GFRA2: variants seen among roughly 807,000 people sequenced by gnomAD.
GFRA2 encodes GDNF family receptor alpha 2, also known as GDNF family receptor alpha-2.
In GFRA2, 17 loss-of-function variants were observed where a neutral mutation model predicts 48.3. That is an observed-to-expected ratio of 0.35 (90% CI 0.24 to 0.53). GFRA2 has a LOEUF of 0.53. Among genes scored for constraint, GFRA2 ranks in the 20% least tolerant of loss-of-function variants. The pLI, the probability that GFRA2 is intolerant of heterozygous loss-of-function variation, is 0.93. For synonymous variants in GFRA2, 305 were observed against 257.2 expected (o/e 1.19, Z -1.78); for missense variants, 660 against 637.3 (o/e 1.04, Z -0.38).
chr8:21,705,213 C>T, intron 5 of GFRA2, 88 bp from the exon 6 acceptor site: 1 of 1,378,588 alleles, frequency 7.3e-7, no homozygotes, highest in Non-Finnish European at 9.8e-7. Context: ...CACAGCAGGG[C>T]AGAGGCGTGG....
chr8:21,707,067 C>T (rs1235316537), intron 4 of GFRA2, among the ~76,000 whole-genome samples: 5 of 152,206 alleles, frequency 3.3e-5, no homozygotes, highest in African/African-American at 1.2e-4. Flanking sequence ...TGTATCATAT[C>T]AACTATGTCT....
chr8:21,694,551 A>C (rs746647470), intron 7 of GFRA2, 34 bp from the exon 8 acceptor site: 10 of 1,595,628 alleles, frequency 6.3e-6, no homozygotes, highest in Non-Finnish European at 8.5e-6. Flanking sequence ...AGGACGAGTC[A>C]CCAGGCTGTT....
chr8:21,722,770 A>C (rs138449989), intron 4 of GFRA2, among the ~76,000 whole-genome samples: 1 of 151,734 alleles, frequency 6.6e-6, no homozygotes, highest in Non-Finnish European at 1.5e-5. Flanking sequence ...CTACCCTCCA[A>C]CTCCACAACA....
Position 21,788,372 on chromosome 8 carries a change from C to G in GFRA2, c.-213G>C, listed in dbSNP as rs1052348918. The G allele has an allele frequency of 3.0e-6, 4 of 1,344,480 alleles. No individual in the cohort carries two copies. The South Asian group carries it at 5.8e-5, about 20-fold the overall frequency. The allele number at this position is 1,344,480 out of a possible 1,614,324, so 83.3% of individuals were successfully genotyped here. A position where few individuals can be genotyped will look rare whatever the true frequency, so the allele number is the denominator to read the frequency against. On this transcript the variant is annotated 5_prime_UTR_variant, in exon 1 of 9. Coordinates refer to ENST00000524240, the MANE Select transcript of GFRA2 (RefSeq NM_001495.5). ...TGAGAGGCGGGCGATGGGCTGCTGC[C>G]TCTCGACGCCCCCCTTGCCCGCTAC... is the stretch of plus-strand genomic sequence containing the variant.
chr8:21,787,275 T>TGGGGGGGGGGGGGGGGGGGGGGGGGG (rs780776992), intron 1 of GFRA2, among the ~76,000 whole-genome samples: 1 of 75,698 alleles, frequency 1.3e-5, no homozygotes, highest in Non-Finnish European at 2.8e-5. Flanking sequence ...GGGGGGGCAG[T>TGGGGGGGGGGGGGGGGGGGGGGGGGG]GGGGGGGGTT....
rs926736913 is a variant in GFRA2 at position 21,690,604 on chromosome 8, G to T, written c.*2674C>A. ...ATAATGGCACCTCAGTTTCCTCTTG[G>T]GAAATTTTCTCTCCCCCATGATGTA... On this transcript the variant is annotated 3_prime_UTR_variant, in exon 9 of 9. Coordinates refer to ENST00000524240, the MANE Select transcript of GFRA2 (RefSeq NM_001495.5). 1.3e-5 allele frequency: 2 copies of T among 152,148 alleles called. No homozygotes were observed. The highest frequency in any genetic ancestry group is 4.8e-5 in the African/African-American group (2 of 41,426). 9.4% of individuals were successfully genotyped at this position (152,148 alleles called of 1,614,324 possible). A position where few individuals can be genotyped will look rare whatever the true frequency, so the allele number is the denominator to read the frequency against.
rs1010629596 is a variant in GFRA2 at position 21,795,337 on chromosome 8, A to C, written c.-35-7143T>G. Among the ~76,000 whole-genome samples the C allele has an allele frequency of 2.0e-5, 3 of 151,630 alleles. No homozygotes were observed. The East Asian group carries it at 5.8e-4, about 29-fold the overall frequency. ...AATTAATTTCCCTTCTCAGACAACA[A>C]ACTGAAACACATTGTCTTTTTTTTT... On this transcript the variant is annotated intron_variant, in intron 2 of 10. Transcript: ENST00000517328.
chr8:21,779,302 T>C (rs1376687923), intron 2 of GFRA2, among the ~76,000 whole-genome samples: 1 of 152,208 alleles, frequency 6.6e-6, no homozygotes, highest in African/African-American at 2.4e-5. Flanking sequence ...GCACACAGCA[T>C]CGTGCTCATT....
intron 6 of GFRA2, among the ~76,000 whole-genome samples, chr8:21,703,930 T>A (rs1227727426): frequency 1.3e-5 from 2 of 152,252 alleles, no homozygotes; most frequent in Non-Finnish European, 2.9e-5. Context: ...CTTTCTGGAA[T>A]GCTGATCTGA....
chr8:21,756,790 C>G (rs755536047), intron 3 of GFRA2, among the ~76,000 whole-genome samples: 2 of 152,294 alleles, frequency 1.3e-5, no homozygotes, highest in African/African-American at 2.4e-5. Flanking sequence ...CTCCCTGCCC[C>G]GATCCCCTGC....
rs1802669327 is a variant in GFRA2, at chr8:21,705,019, C to T, written c.1011G>A (p.Lys337=). Residue 337 remains lysine (K), a synonymous_variant, in exon 6 of 9, where the codon AAG becomes AAA. Coordinates refer to ENST00000524240, the MANE Select transcript of GFRA2 (RefSeq NM_001495.5). ...GSGNMEEECE[K]FLRDFTENPC... ...GGTTCTCGGTGAAGTCCCTGAGGAA[C>T]TTCTCACACTCCTCCTCCATGTTCC... The T allele has an allele frequency of 1.2e-6, 2 of 1,610,914 alleles. No homozygotes were observed. Among genetic ancestry groups the T allele is most frequent in the South Asian group, 1.1e-5 (1 of 89,956 alleles).
intron 2 of GFRA2, among the ~76,000 whole-genome samples, chr8:21,799,091 C>T (rs1807726175): frequency 6.6e-6 from 1 of 152,204 alleles, no homozygotes; most frequent in Non-Finnish European, 1.5e-5. Flanking sequence ...GGCCCAGGAT[C>T]ACTAGCCTAG....
chr8:21,762,347 G>T (rs1805955935), intron 3 of GFRA2, among the ~76,000 whole-genome samples: 1 of 152,172 alleles, frequency 6.6e-6, no homozygotes, highest in South Asian at 2.1e-4. Flanking sequence ...AAAGCCCAAG[G>T]ATCCAATGGG....
chr8:21,789,755 C>G (rs1264590499), upstream of GFRA2, among the ~76,000 whole-genome samples: 1 of 145,938 alleles, frequency 6.9e-6, no homozygotes, highest in Admixed American at 6.8e-5. Flanking sequence ...TCCACCCCTT[C>G]GAGATGCCCC....
At chr8:21,791,452 A>G (rs1347833025), upstream of GFRA2, among the ~76,000 whole-genome samples, 2 of 152,082 alleles carry the variant, frequency 1.3e-5, no homozygotes, top group African/African-American at 4.8e-5. Flanking sequence ...GTATCCCATG[A>G]CACCCCACCC....
At chr8:21,715,894 C>T (rs573305358) in intron 4 of GFRA2, among the ~76,000 whole-genome samples, 10 of 151,768 alleles carry the variant, frequency 6.6e-5, no homozygotes, top group East Asian at 1.9e-4. Flanking sequence ...AGAGAGAGAA[C>T]GAGAGAGAGA....
At position 21,753,804 on chromosome 8, in the gene GFRA2, A is replaced by G. The variant is rs142259672; in HGVS notation, c.440-2862T>C. Among the ~76,000 whole-genome samples the G allele has an allele frequency of 7.8e-4, 119 of 152,298 alleles. 1 individual carries two copies. The highest frequency in any genetic ancestry group is 2.8e-3 in the African/African-American group (118 of 41,558). ...ATGTAGAATTATATATGTGATGCAT[A>G]TTATATTTCCATCAGCCAGCAAGGC... On this transcript the variant is annotated intron_variant, in intron 3 of 8. Coordinates refer to ENST00000524240, the MANE Select transcript of GFRA2 (RefSeq NM_001495.5).
rs1807416431 is a variant in GFRA2, at chr8:21,788,798, G to A, written c.-639C>T. 2.0e-6 allele frequency: 2 copies of A among 985,368 alleles called. No individual in the cohort carries two copies. The highest frequency in any genetic ancestry group is 4.7e-5 in the South Asian group (1 of 21,290). 61.0% of individuals were successfully genotyped at this position (985,368 alleles called of 1,614,324 possible). A position where few individuals can be genotyped will look rare whatever the true frequency, so the allele number is the denominator to read the frequency against. On this transcript the variant is annotated 5_prime_UTR_variant, in exon 1 of 9. It adds an upstream start codon to the 5' untranslated region. Coordinates refer to ENST00000524240, the MANE Select transcript of GFRA2 (RefSeq NM_001495.5). ...AATTCCAGTGACCGTGTGTCTCTGC[G>A]TGCGTGTGTCTTTCTCTCTCCTCTC...
At chr8:21,702,769 T>C (rs1246732009) in intron 7 of GFRA2, 36 bp downstream of exon 7, 6 of 1,538,928 alleles carry the variant, frequency 3.9e-6, no homozygotes, top group East Asian at 2.5e-5. Flanking sequence ...TCCGGTGCCA[T>C]GGTGCTCCCC....
Sources: gnomAD v4.1 joint callset for allele counts (sites outside exome capture counted in the v4.1 genomes callset) on GRCh38, gnomAD v4.1.1 for gene constraint, MANE v1.5 for transcripts, NCBI Gene and HGNC (gene_info 2026-07-23, HGNC 2026-07-21) for gene names.